The following PCDH9 variants were observed in gnomAD, a reference collection of about 807,000 sequenced individuals.
PCDH9 encodes the protein protocadherin-9.
Under a neutral mutation model 70.6 loss-of-function variants are expected in PCDH9, and 24 were observed. That is an observed-to-expected ratio of 0.34 (90% CI 0.25 to 0.48). The LOEUF (loss-of-function observed/expected upper bound fraction) is 0.48. Ranked by LOEUF, PCDH9 falls within the 20% of genes least tolerant of loss-of-function variation. PCDH9 has a pLI of 0.99. For missense variants in PCDH9, 1,281 were observed against 1,503.6 expected (o/e 0.85, Z 2.45); for synonymous variants, 562 against 558.5 (o/e 1.01, Z -0.09).
intron 3 of PCDH9, among the ~76,000 whole-genome samples, chr13:66,810,343 G>T (rs2139359650): frequency 1.3e-5 from 2 of 152,000 alleles, no homozygotes; most frequent in East Asian, 1.9e-4. Context: ...CAATAGGGAA[G>T]GTTTTGAGCC....
At chr13:66,872,136 T>C (rs1472983922) in intron 3 of PCDH9, among the ~76,000 whole-genome samples, 1 of 152,168 alleles carries the variant, frequency 6.6e-6, no homozygotes, top group East Asian at 1.9e-4. Context: ...TGAAAGTATA[T>C]GCCAAATCTG....
chr13:66,942,345 G>GA (rs960086592), intron 2 of PCDH9, among the ~76,000 whole-genome samples: 11 of 151,532 alleles, frequency 7.3e-5, no homozygotes, highest in African/African-American at 2.4e-4. Flanking sequence ...AAAAACAACA[G>GA]AAAAAAATTG....
At chr13:66,432,009 G>A (rs115267460) in intron 4 of PCDH9, among the ~76,000 whole-genome samples, 1,552 of 152,036 alleles carry the variant, frequency 0.01, 23 homozygotes, top group African/African-American at 0.035. Context: ...TGCTTACAAT[G>A]GCAAGTGTTT....
chr13:66,651,856 ATATGC>A (rs1237693005), intron 3 of PCDH9, among the ~76,000 whole-genome samples: 1 of 152,118 alleles, frequency 6.6e-6, no homozygotes, highest in African/African-American at 2.4e-5. Context: ...ATGGTTCAAT[ATATGC>A]AAATTGCTCA....
At chr13:67,050,346 T>C (rs556322698) in intron 2 of PCDH9, among the ~76,000 whole-genome samples, 1 of 152,184 alleles carries the variant, frequency 6.6e-6, no homozygotes, top group African/African-American at 2.4e-5. Flanking sequence ...TAATGAAAAC[T>C]GGTGATCCCA....
chr13:66,937,973 T>C (rs2082944756), intron 2 of PCDH9, among the ~76,000 whole-genome samples: 1 of 152,252 alleles, frequency 6.6e-6, no homozygotes, highest in African/African-American at 2.4e-5. Context: ...TTTTATTTTA[T>C]CATGCCTAAT....
chr13:66,991,958 T>G lies in PCDH9; in HGVS notation c.3037-88353A>C, dbSNP rs1041803982. Among the ~76,000 whole-genome samples, 5 of 152,072 alleles carry G rather than the reference T, an allele frequency of 3.3e-5. No individual in the cohort carries two copies. In the South Asian group the frequency reaches 8.3e-4, roughly 25 times the overall value. ...GATTATTGTGTTTAAGTATATGGGT[T>G]TTTTTTAAATTTAAGATCATATTCT... On this transcript the variant is annotated intron_variant, in intron 2 of 4. Coordinates refer to ENST00000377865, the MANE Select transcript of PCDH9 (RefSeq NM_203487.3).
chr13:66,614,847 G>A (rs941865670), intron 4 of PCDH9, among the ~76,000 whole-genome samples: 14 of 152,150 alleles, frequency 9.2e-5, no homozygotes, highest in Admixed American at 2.6e-4. Context: ...AACCTGACGC[G>A]TCCACCCTAC....
At chr13:66,759,049 T>A (rs934579065) in intron 3 of PCDH9, among the ~76,000 whole-genome samples, 3 of 152,034 alleles carry the variant, frequency 2.0e-5, no homozygotes, top group Non-Finnish European at 4.4e-5. Context: ...TCAATTTAGT[T>A]GACCTCCTCA....
chr13:66,816,999 TAA>T (rs11456031), intron 3 of PCDH9, among the ~76,000 whole-genome samples: 1 of 141,768 alleles, frequency 7.1e-6, no homozygotes, highest in African/African-American at 2.6e-5. Flanking sequence ...TGAAAATATT[TAA>T]AAAAAAAAAC....
intron 3 of PCDH9, among the ~76,000 whole-genome samples, chr13:66,806,402 G>T (rs1594085045): frequency 6.6e-6 from 1 of 152,034 alleles, no homozygotes; most frequent in African/African-American, 2.4e-5. Context: ...GCAGAGTTAG[G>T]TTTCCAAGCC....
At chr13:66,654,924 C>T (rs113641525) in intron 3 of PCDH9, among the ~76,000 whole-genome samples, 39 of 151,946 alleles carry the variant, frequency 2.6e-4, no homozygotes, top group African/African-American at 7.7e-4. Flanking sequence ...CGGGGTTTTG[C>T]CATGTTGCCC....
intron 2 of PCDH9, among the ~76,000 whole-genome samples, chr13:67,016,508 A>T (rs546619037): frequency 6.6e-6 from 1 of 152,336 alleles, no homozygotes; most frequent in African/African-American, 2.4e-5. Context: ...GCCATTATAG[A>T]GAGGAAGTTA....
intron 4 of PCDH9, among the ~76,000 whole-genome samples, chr13:66,305,444 A>G (rs976185864): frequency 2.6e-5 from 4 of 152,046 alleles, no homozygotes; most frequent in Non-Finnish European, 4.4e-5. Flanking sequence ...TGTATGTGTA[A>G]TATTAAAGAA....
At chr13:66,467,724 G>T (rs567944165) in intron 4 of PCDH9, among the ~76,000 whole-genome samples, 7 of 151,940 alleles carry the variant, frequency 4.6e-5, no homozygotes, top group Non-Finnish European at 1.0e-4. Context: ...AAAAGAAAAA[G>T]AAAACAAATA....
At chr13:66,940,806 T>A (rs76832463) in intron 2 of PCDH9, among the ~76,000 whole-genome samples, 1 of 135,684 alleles carries the variant, frequency 7.4e-6, no homozygotes, top group South Asian at 2.4e-4. Flanking sequence ...CAGGAAAAAA[T>A]TTCAGAGTCA....
chr13:67,176,325 T>G (rs9571727), intron 2 of PCDH9, among the ~76,000 whole-genome samples: 18,521 of 151,988 alleles, frequency 0.12, 1,356 homozygotes, highest in East Asian at 0.22. Context: ...CCATAAATCT[T>G]TTCAGGTTCA....
intron 3 of PCDH9, among the ~76,000 whole-genome samples, chr13:66,901,062 G>A (rs2082269042): frequency 6.6e-6 from 1 of 151,078 alleles, no homozygotes; most frequent in Non-Finnish European, 1.5e-5. Flanking sequence ...TTTTATTATT[G>A]GTCTACAGAT....
chr13:66,548,921 C>A (rs1228752075), intron 4 of PCDH9, among the ~76,000 whole-genome samples: 1 of 151,948 alleles, frequency 6.6e-6, no homozygotes, highest in East Asian at 1.9e-4. Flanking sequence ...GATTAAAAAT[C>A]AGAAGCTTAT....
Sources: gnomAD v4.1 joint callset for allele counts (sites outside exome capture counted in the v4.1 genomes callset) on GRCh38, gnomAD v4.1.1 for gene constraint, MANE v1.5 for transcripts, NCBI Gene and HGNC (gene_info 2026-07-23, HGNC 2026-07-21) for gene names.